BTD: variants seen among roughly 807,000 people sequenced by gnomAD.
The protein encoded by BTD is biotinidase.
Under a neutral mutation model 17.7 loss-of-function variants are expected in BTD, and 13 were observed. The observed-to-expected ratio is 0.74, with a 90% CI of 0.48 to 1.17. The LOEUF (loss-of-function observed/expected upper bound fraction) is 1.17, where lower values mean the gene tolerates loss of function less well. BTD is among the 50% of genes most tolerant of loss of function. BTD has a pLI of 0.00. For synonymous variants in BTD, 240 were observed against 245.2 expected, an observed-to-expected ratio of 0.98 and a Z score of 0.20; for missense variants, 674 against 650.4, an observed-to-expected ratio of 1.04 and a Z score of -0.39.
At chr3:15,656,400 A>G (rs1455485130), downstream of BTD, among the ~76,000 whole-genome samples, 1 of 152,188 alleles carries the variant, frequency 6.6e-6, no homozygotes, top group Non-Finnish European at 1.5e-5. Flanking sequence ...CCAAGTAGCC[A>G]GTCAGGTCAG....
downstream of BTD, chr3:15,714,541 AAAAAAACCCC>A: frequency 1.3e-6 from 2 of 1,482,000 alleles, no homozygotes; most frequent in East Asian, 2.4e-5. Context: ...AGAAAAAAAA[AAAAAAACCCC>A]AAAAAAAAAA....
intron 3 of BTD, chr3:15,689,771 T>C: frequency 2.8e-6 from 1 of 353,882 alleles, no homozygotes; most frequent in Non-Finnish European, 5.1e-6. Flanking sequence ...TTTACTTGGG[T>C]TGATATAATA....
At chr3:15,694,810 T>C in intron 3 of BTD, 1 of 1,613,334 alleles carries the variant, frequency 6.2e-7, no homozygotes, top group Non-Finnish European at 8.5e-7. Context: ...GAGGTTTCCA[T>C]TAACTGAAAA....
rs534188517 is a variant in BTD at position 15,692,076 on chromosome 3, G to C, written c.400-17984G>C. Among the ~76,000 whole-genome samples, 3 of 151,406 alleles carry C rather than the reference G, an allele frequency of 2.0e-5. No homozygotes were observed. In the East Asian group the frequency reaches 5.8e-4, roughly 29 times the overall value. On this transcript the variant is annotated intron_variant, in intron 3 of 3. Transcript: ENST00000672141. The stretch of plus-strand genomic sequence containing the variant: ...TATCACTTGAGTCTAGGAGGTACAG[G>C]CTGCAGTGAGCTGGGAATGCACCAC...
At position 15,706,071 on chromosome 3, in the gene BTD, T is replaced by G. The variant is rs569825645; in HGVS notation, c.400-3989T>G. 2.2e-3 allele frequency among the ~76,000 whole-genome samples: 331 copies of G among 152,024 alleles called. 1 individual carries two copies. The highest frequency in any genetic ancestry group is 3.7e-3 in the South Asian group (18 of 4,822). The stretch of plus-strand genomic sequence containing the variant: ...ACAAAAAACCCCTAGAATTTTTTTT[T>G]TGTGTGTGTGTGATTCTGAAATCTT... On this transcript the variant is annotated intron_variant, in intron 3 of 3. Transcript: ENST00000672141.
chr3:15,720,227 A>C (rs1019232890), intron 4 of BTD, among the ~76,000 whole-genome samples: 14 of 152,112 alleles, frequency 9.2e-5, no homozygotes, highest in East Asian at 5.8e-4. Context: ...ACAAAAAAAA[A>C]CCAAAAAGCA....
At chr3:15,709,406 G>T (rs539832019) in intron 3 of BTD, among the ~76,000 whole-genome samples, 2 of 152,040 alleles carry the variant, frequency 1.3e-5, no homozygotes, top group East Asian at 1.9e-4. Context: ...ATTTTTGGAG[G>T]GGGGGAAGTG....
intron 3 of BTD, among the ~76,000 whole-genome samples, chr3:15,705,221 A>G (rs887880992): frequency 6.6e-6 from 1 of 152,200 alleles, no homozygotes; most frequent in African/African-American, 2.4e-5. Flanking sequence ...TAAGAAAACT[A>G]GTGATTTTAG....
intron 3 of BTD, among the ~76,000 whole-genome samples, chr3:15,663,534 A>G (rs2065947052): frequency 6.6e-6 from 1 of 152,088 alleles, no homozygotes; most frequent in Non-Finnish European, 1.5e-5. Flanking sequence ...ATATAGGCCT[A>G]TTTCTTCTTG....
At chr3:15,694,878 A>T (rs2455814) in intron 3 of BTD, 1,425,883 of 1,430,282 alleles carry the variant, frequency 1, 710,756 homozygotes, top group South Asian at 1. Flanking sequence ...TCTCCCACCC[A>T]CCCAGTTCAA....
rs142105686 is a variant in BTD, at chr3:15,621,314, G to T, written c.-16-14110G>T. 7.0e-3 allele frequency among the ~76,000 whole-genome samples: 1,071 copies of T among 152,282 alleles called. 5 individuals are homozygous for T. Among genetic ancestry groups the T allele is most frequent in the Non-Finnish European group, 0.012 (835 of 68,030 alleles). On this transcript the variant is annotated intron_variant, in intron 1 of 3. Coordinates refer to ENST00000643237, the MANE Select transcript of BTD (RefSeq NM_001370658.1). Reference sequence around the variant, plus strand: ...CACAGTAGTTTTCTTTTCTTGTAATGTCTTTGTCTGTTTCAGTATTGGGGT... The same window carrying T: ...CACAGTAGTTTTCTTTTCTTGTAATTTCTTTGTCTGTTTCAGTATTGGGGT...
rs397514378 is a variant in BTD at position 15,644,508 on chromosome 3, G to A, written c.592G>A (p.Glu198Lys). The change falls in exon 4 of 4, where the codon GAG becomes AAG. Residue 198 changes from glutamate (E) to lysine (K), a missense_variant. Glu to Lys is a moderately conservative substitution (Grantham distance 56, BLOSUM62 1). Transcript: ENST00000643237. The part of the protein sequence containing the change: ...DRYRKHNLYF[E>K]AAFDVPLKVD... ...CTACCGTAAACACAACCTCTACTTT[G>A]AGGCAGCATTCGATGTTCCTCTTAA... is the stretch of plus-strand genomic sequence containing the variant. 1 of 1,614,108 alleles carries A rather than the reference G, an allele frequency of 6.2e-7. No individual in the cohort carries two copies. Among genetic ancestry groups the A allele is most frequent in the East Asian group, 2.2e-5 (1 of 44,884 alleles).
At chr3:15,667,226 A>G (rs2066023707) in intron 3 of BTD, 1 of 152,268 alleles carries the variant, frequency 6.6e-6, no homozygotes, top group Non-Finnish European at 1.5e-5. Flanking sequence ...TAAAAGAGAC[A>G]GACACTTGAT....
At chr3:15,666,954 T>A (rs942141779) in intron 3 of BTD, among the ~76,000 whole-genome samples, 7 of 152,236 alleles carry the variant, frequency 4.6e-5, no homozygotes, top group Non-Finnish European at 8.8e-5. Context: ...TTTTATTACT[T>A]TCTACTTATA....
Position 15,700,731 on chromosome 3 carries a change from G to A in BTD, c.400-9329G>A, listed in dbSNP as rs146639440. On this transcript the variant is annotated intron_variant, in intron 3 of 3. Coordinates refer to the BTD transcript ENST00000672141. ...GGAGGTTGCAGTGAGCAGAGATCGC[G>A]CCACTGCACTCCAGCCTGGCGACAG... is the stretch of plus-strand genomic sequence containing the variant. Among the ~76,000 whole-genome samples the A allele has an allele frequency of 2.9e-3, 435 of 152,132 alleles. 2 individuals are homozygous for A. Among genetic ancestry groups the A allele is most frequent in the Middle Eastern group, 0.01 (3 of 294 alleles).
intron 1 of BTD, among the ~76,000 whole-genome samples, chr3:15,602,936 G>T (rs2064316861): frequency 6.6e-6 from 1 of 152,154 alleles, no homozygotes; most frequent in Non-Finnish European, 1.5e-5. Context: ...AATGGCTACG[G>T]AGGCCTCACA....
chr3:15,606,924 C>T (rs920606295), intron 1 of BTD: 5 of 150,800 alleles, frequency 3.3e-5, no homozygotes, highest in African/African-American at 7.3e-5. Context: ...ATTTATGCAC[C>T]GACCCTTTTT....
intron 1 of BTD, among the ~76,000 whole-genome samples, chr3:15,629,771 TC>T (rs2065158793): frequency 6.6e-6 from 1 of 152,160 alleles, no homozygotes; most frequent in Non-Finnish European, 1.5e-5. Context: ...CCCTGGTTCT[TC>T]AACATGCACT....
intron 3 of BTD, among the ~76,000 whole-genome samples, chr3:15,682,626 T>G (rs2470542): frequency 0.46 from 70,702 of 152,054 alleles, 19,388 homozygotes; most frequent in Non-Finnish European, 0.6. Context: ...CTACAGCCAG[T>G]GTTTTTCTAA....
Sources: allele counts gnomAD v4.1 joint callset (sites outside exome capture counted in the v4.1 genomes callset), GRCh38; gene constraint gnomAD v4.1.1; transcripts MANE v1.5; gene names NCBI Gene and HGNC (gene_info 2026-07-23, HGNC 2026-07-21).